BCORL1: variants seen among roughly 807,000 people sequenced by gnomAD.
The protein encoded by BCORL1 is BCL6 corepressor like 1.
In BCORL1, 7 loss-of-function variants were observed where a neutral mutation model predicts 87.6. The ratio of observed to expected loss-of-function variants is 0.08; its 90% CI spans 0.05 to 0.15. BCORL1 has a LOEUF of 0.15. Ranked by LOEUF, BCORL1 falls within the 10% of genes least tolerant of loss-of-function variation. The pLI, the probability that BCORL1 is intolerant of heterozygous loss-of-function variation, is 1.00. For missense variants in BCORL1, 1,215 were observed against 1,499.7 expected (o/e 0.81, Z 3.13); for synonymous variants, 591 against 634.4 (o/e 0.93, Z 1.03).
chrX:130,002,809 G>A (rs1024243401), intron 1 of BCORL1, among the ~76,000 whole-genome samples: 3 of 108,079 alleles, frequency 2.8e-5, no homozygotes, highest in Non-Finnish European at 5.8e-5. Context: ...AGGGGGATGA[G>A]AAAGAGGGAA....
chrX:130,050,934 C>T, intron 12 of BCORL1, 140 bp downstream of exon 12: 1 of 513,998 alleles, frequency 1.9e-6, no homozygotes, highest in South Asian at 3.1e-5. Context: ...TCCCTGCAGA[C>T]TCAGAAGTCA....
At position 130,055,961 on chromosome X, in the gene BCORL1, C is replaced by T. The variant is rs1158601819; in HGVS notation, c.5183C>T (p.Ala1728Val). The T allele has an allele frequency of 7.4e-6, 9 of 1,212,240 alleles. No homozygotes were observed. The highest frequency in any genetic ancestry group is 1.0e-5 in the Non-Finnish European group (9 of 895,625). Residue 1728 changes from alanine to valine, a missense_variant, in exon 14 of 14, where the codon GCC (alanine) becomes GTC (valine). Around this residue, in one of 5 missense-constraint regions of BCORL1, gnomAD observed 129 missense variants for 157.5 expected, o/e 0.82. Transcript: ENST00000540052. ...TTTGAAATCACCACCATGCCCAAGG[C>T]CGAGTTCTACAGGCAGGTGGCCTCC... ...PHFEITTMPK[A>V]EFYRQVASSQ... is the part of the protein sequence containing the mutation.
At chrX:130,050,342 G>A (rs1012480061) in intron 11 of BCORL1, among the ~76,000 whole-genome samples, 2 of 110,551 alleles carry the variant, frequency 1.8e-5, no homozygotes, top group African/African-American at 6.6e-5. Flanking sequence ...GGAGGCTGAG[G>A]TGGGAGGATC....
rs775421282 is a variant in BCORL1 at position 130,016,131 on chromosome X, A to G, written c.3359A>G (p.Lys1120Arg). ...VTESLPPKKM[K>R]CGKEKDSEEQ... ...GAATCTCTGCCGCCCAAGAAGATGA[A>G]GTGCGGCAAAGAGAAGGACAGTGAA... Residue 1120 changes from lysine to arginine, a missense_variant, in exon 4 of 14, where the codon AAG (lysine) becomes AGG (arginine). Physicochemically the swap from Lys to Arg is conservative, Grantham distance 26. Coordinates refer to ENST00000540052, the MANE Select transcript of BCORL1 (RefSeq NM_001379451.1). 31 of 1,209,214 alleles carry G rather than the reference A, an allele frequency of 2.6e-5. No individual in the cohort carries two copies. Among genetic ancestry groups the G allele is most frequent in the Non-Finnish European group, 3.5e-5 (31 of 895,156 alleles).
intron 6 of BCORL1, among the ~76,000 whole-genome samples, chrX:130,024,362 C>T (rs761744268): frequency 3.6e-5 from 4 of 110,908 alleles, no homozygotes; most frequent in East Asian, 2.8e-4. Context: ...GGGAAGTGGG[C>T]GTGCCTGGGT....
Position 130,045,515 on chromosome X carries a change from G to A in BCORL1, c.4841-5202G>A, listed in dbSNP as rs78358467. On this transcript the variant is annotated intron_variant, in intron 11 of 13. Coordinates refer to ENST00000540052, the MANE Select transcript of BCORL1 (RefSeq NM_001379451.1). ...AGAGGAGATGGGGAGGGGTATGATC[G>A]GACCCTGAGGAGTAGACAAACTGCT... Among the ~76,000 whole-genome samples, 5 of 111,312 alleles carry A rather than the reference G, an allele frequency of 4.5e-5. No homozygotes were observed. In the East Asian group the frequency reaches 1.4e-3, roughly 31 times the overall value.
chrX:130,025,012 T>C lies in BCORL1; in HGVS notation c.3711T>C (p.Ala1237=), dbSNP rs749512785. The C allele has an allele frequency of 1.3e-5, 16 of 1,209,746 alleles. No homozygotes were observed. In the African/African-American group the frequency reaches 2.1e-4, roughly 16 times the overall value. ...CAGGAAGCATCTGTAGCTCCTTTGC[T>C]GGCATGGCAGACAGTGACATGGGAA... ...SQSGSICSSF[A]GMADSDMGSQ... is the part of the protein sequence containing the mutation. Residue 1237 remains alanine, a synonymous_variant, in exon 7 of 14, where the codon GCT becomes GCC. Coordinates refer to ENST00000540052, the MANE Select transcript of BCORL1 (RefSeq NM_001379451.1).
At chrX:129,997,527 C>T in intron 1 of BCORL1, among the ~76,000 whole-genome samples, 1 of 110,568 alleles carries the variant, frequency 9.0e-6, no homozygotes, top group East Asian at 2.8e-4. Context: ...GGCACGGTGG[C>T]TCACTCCTGT....
chrX:130,009,213 C>G (rs145734820), intron 2 of BCORL1, among the ~76,000 whole-genome samples: 4,519 of 110,961 alleles, frequency 0.041, 226 homozygotes, highest in African/African-American at 0.14. Flanking sequence ...GCCTATAATC[C>G]CAGCACTTTG....
chrX:129,991,682 G>C (rs1927178147), intron 1 of BCORL1, among the ~76,000 whole-genome samples: 1 of 61,885 alleles, frequency 1.6e-5, no homozygotes, highest in African/African-American at 7.4e-5. Flanking sequence ...TTTTGAGACA[G>C]AGTCTTGCTC....
rs748527719 is a variant in BCORL1, at chrX:130,051,931, C to G, written c.4990C>G (p.Pro1664Ala). Reference protein sequence around the residue: ...PGSSDQEGDDPMEEDDFMFEL... With the variant: ...PGSSDQEGDDAMEEDDFMFEL... ...GAGCTCAGATCAAGAAGGAGACGAT[C>G]CGATGGAGGAGGATGATTTCATGTT... is the stretch of plus-strand genomic sequence containing the variant. Residue 1664 changes from proline (P) to alanine (A), a missense_variant, in exon 13 of 14, where the codon CCG (proline) becomes GCG (alanine). Transcript: ENST00000540052. 2.5e-6 allele frequency: 3 copies of G among 1,207,351 alleles called. No individual in the cohort carries two copies. The highest frequency in any genetic ancestry group is 2.2e-5 in the Admixed American group (1 of 45,647).
intron 13 of BCORL1, among the ~76,000 whole-genome samples, chrX:130,054,451 G>T (rs1360428279): frequency 2.7e-5 from 3 of 111,008 alleles, no homozygotes. Context: ...ATGGAGCAAG[G>T]CACTGAAACA....
rs1167425923 is a variant in BCORL1 at position 130,055,942 on chromosome X, A to G, written c.5164A>G (p.Ile1722Val). 1.7e-6 allele frequency: 2 copies of G among 1,211,798 alleles called. No homozygotes were observed. The highest frequency in any genetic ancestry group is 2.2e-6 in the Non-Finnish European group (2 of 895,472). ...IFQARFPHFE[I>V]TTMPKAEFYR... Reference sequence around the variant, plus strand: ...TCAGGCCCGGTTCCCGCACTTTGAAATCACCACCATGCCCAAGGCCGAGTT... The same window carrying G: ...TCAGGCCCGGTTCCCGCACTTTGAAGTCACCACCATGCCCAAGGCCGAGTT... The change falls in exon 14 of 14, where the codon ATC becomes GTC. Residue 1722 changes from isoleucine to valine, a missense_variant. Transcript: ENST00000540052.
At chrX:130,028,519 C>A in intron 7 of BCORL1, 116 bp from the exon 8 acceptor site, 1 of 595,666 alleles carries the variant, frequency 1.7e-6, no homozygotes, top group Non-Finnish European at 2.8e-6. Context: ...GATAGTTATA[C>A]AACTTTGCAC....
intron 5 of BCORL1, 82 bp downstream of exon 5, chrX:130,021,232 C>T (rs1929783233): frequency 8.9e-6 from 10 of 1,117,381 alleles, no homozygotes; most frequent in Admixed American, 8.1e-5. Context: ...GGGGCTCAGG[C>T]GCTGACTCCT....
chrX:130,036,141 G>A (rs1293070395), intron 9 of BCORL1, among the ~76,000 whole-genome samples: 1 of 112,892 alleles, frequency 8.9e-6, no homozygotes, highest in Non-Finnish European at 1.9e-5. Flanking sequence ...CATTCACCCA[G>A]CTTCAGCCCA....
intron 3 of BCORL1, 23 bp downstream of exon 3, chrX:130,012,691 G>T (rs758029695): frequency 8.5e-7 from 1 of 1,171,601 alleles, no homozygotes; most frequent in Non-Finnish European, 1.2e-6. Flanking sequence ...ATGGAGCCAC[G>T]TGCTGTCCAC....
chrX:130,030,271 G>A (rs1930506301), intron 8 of BCORL1, among the ~76,000 whole-genome samples: 1 of 111,842 alleles, frequency 8.9e-6, no homozygotes, highest in Non-Finnish European at 1.9e-5. Flanking sequence ...GGCATAGCGT[G>A]GCAGGGTAGC....
Position 130,015,231 on chromosome X carries a change from A to G in BCORL1, c.2459A>G (p.Asn820Ser), listed in dbSNP as rs398123004. The change falls in exon 4 of 14, where the codon AAT becomes AGT. Residue 820 changes from asparagine (N) to serine (S), a missense_variant. This residue lies in a region of BCORL1 where 861 missense variants were observed against 1,010.0 expected (regional missense o/e 0.85). Transcript: ENST00000540052. ...AATATTTATCCCCGGTGTTCAGTCA[A>G]TGGGAAACCTACCAGCACCCAGGTC... is the stretch of plus-strand genomic sequence containing the variant. ...PANIYPRCSV[N>S]GKPTSTQVLP... The G allele has an allele frequency of 2.0e-5, 24 of 1,210,772 alleles. No homozygotes were observed. In the African/African-American group the frequency reaches 2.4e-4, roughly 12 times the overall value.
Sources: gnomAD v4.1 joint callset for allele counts (sites outside exome capture counted in the v4.1 genomes callset) on GRCh38, gnomAD v4.1.1 for gene constraint, gnomAD v4.1.1 regional missense constraint, MANE v1.5 for transcripts, NCBI Gene and HGNC (gene_info 2026-07-23, HGNC 2026-07-21) for gene names.